PHKA1: variants seen among roughly 807,000 people sequenced by gnomAD.
The protein encoded by PHKA1 is phosphorylase b kinase regulatory subunit alpha, skeletal muscle isoform.
Under a neutral mutation model 110.2 loss-of-function variants are expected in PHKA1, and 60 were observed. The observed-to-expected ratio is 0.54, with a 90% CI of 0.44 to 0.68. The LOEUF (loss-of-function observed/expected upper bound fraction) is 0.68, where lower values mean the gene tolerates loss of function less well. Ranked by LOEUF, PHKA1 falls within the 30% of genes least tolerant of loss-of-function variation. The probability of loss-of-function intolerance (pLI) is 0.00; values close to 1 mark genes in which losing one functional copy is unlikely to be tolerated. For synonymous variants in PHKA1, 316 were observed against 333.6 expected (o/e 0.95, Z 0.58); for missense variants, 801 against 942.5 (o/e 0.85, Z 1.97).
In PHKA1 at chrX:72,642,099, C is replaced by T. The variant is rs1461831149; in HGVS notation, c.1459+2263G>A. Reference sequence around the variant, plus strand: ...TAAATGTCCACTTGTCACTTGAGTCCTTGGAATGTTTGATCATCATTAAGT... The same window carrying T: ...TAAATGTCCACTTGTCACTTGAGTCTTTGGAATGTTTGATCATCATTAAGT... On this transcript the variant is annotated intron_variant, in intron 14 of 31. Coordinates refer to ENST00000373542, the MANE Select transcript of PHKA1 (RefSeq NM_002637.4). Among the ~76,000 whole-genome samples, 5 of 111,820 alleles carry T rather than the reference C, an allele frequency of 4.5e-5. No individual in the cohort carries two copies. The South Asian group carries it at 1.9e-3, about 42-fold the overall frequency.
intron 4 of PHKA1, among the ~76,000 whole-genome samples, chrX:72,686,542 G>T (rs782169101): frequency 1.8e-5 from 2 of 111,802 alleles, no homozygotes; most frequent in Non-Finnish European, 3.8e-5. Context: ...AGGACATTTC[G>T]GTTGTATCAA....
In PHKA1 at chrX:72,652,589, G is replaced by A; in HGVS notation, c.1200C>T (p.His400=). Residue 400 remains histidine (H), a synonymous_variant, in exon 12 of 32, where the codon CAC becomes CAT. Coordinates refer to ENST00000373542, the MANE Select transcript of PHKA1 (RefSeq NM_002637.4). ...VDRVPMGKLP[H]MWGQSLYILG... is the part of the protein sequence containing the mutation. ...AAATGTATAGAGACTGACCCCACAT[G>A]TGAGGCAATTTCCCCATGGGGACTC... 1 of 1,196,488 alleles carries A rather than the reference G, an allele frequency of 8.4e-7. No homozygotes were observed. The highest frequency in any genetic ancestry group is 1.1e-6 in the Non-Finnish European group (1 of 881,718).
chrX:72,651,872 T>C (rs1199344310), intron 12 of PHKA1, among the ~76,000 whole-genome samples: 2 of 111,929 alleles, frequency 1.8e-5, no homozygotes, highest in Non-Finnish European at 3.8e-5. Flanking sequence ...GGTTATATCT[T>C]ATCAAAATAA....
chrX:72,687,109 G>A (rs1380968275), intron 4 of PHKA1, among the ~76,000 whole-genome samples: 1 of 111,471 alleles, frequency 9.0e-6, no homozygotes, highest in African/African-American at 3.3e-5. Context: ...AGCTATCTGT[G>A]TTTCATATTT....
chrX:72,699,623 T>A (rs1179924457), intron 3 of PHKA1, among the ~76,000 whole-genome samples: 2 of 109,657 alleles, frequency 1.8e-5, no homozygotes, highest in Admixed American at 9.8e-5. Flanking sequence ...CAAAAAAAAA[T>A]TTTTTTAAAC....
At chrX:72,639,524 G>A (rs184657174) in intron 14 of PHKA1, among the ~76,000 whole-genome samples, 1 of 111,386 alleles carries the variant, frequency 9.0e-6, no homozygotes, top group Admixed American at 9.5e-5. Flanking sequence ...TGGGCAACAA[G>A]AGCAAGACTC....
intron 8 of PHKA1, among the ~76,000 whole-genome samples, chrX:72,663,736 G>GA (rs202031447): frequency 0.039 from 2,679 of 69,326 alleles, 104 homozygotes; most frequent in African/African-American, 0.12. Context: ...TCTAAGAGCT[G>GA]AAAAAAAAAA....
chrX:72,586,126 G>A lies in PHKA1; in HGVS notation c.3244-1824C>T, dbSNP rs1442480849. Among the ~76,000 whole-genome samples, 4 of 112,333 alleles carry A rather than the reference G, an allele frequency of 3.6e-5. No homozygotes were observed. In the East Asian group the frequency reaches 1.1e-3, roughly 32 times the overall value. On this transcript the variant is annotated intron_variant, in intron 29 of 31. Coordinates refer to ENST00000373542, the MANE Select transcript of PHKA1 (RefSeq NM_002637.4). ...AAAGGACAGACTGCCTCCTCTAGTG[G>A]GTCCCTGACCCTCGTGTAGCTTAAC...
intron 8 of PHKA1, 134 bp downstream of exon 8, chrX:72,666,016 GA>G: frequency 1.6e-6 from 1 of 634,112 alleles, no homozygotes; most frequent in Non-Finnish European, 2.4e-6. Flanking sequence ...ACTTTTAAAA[GA>G]AACTATAAAG....
At chrX:72,584,339 A>G (rs377511422) in intron 29 of PHKA1, 37 bp from the exon 30 acceptor site, 4 of 1,145,570 alleles carry the variant, frequency 3.5e-6, no homozygotes, top group Admixed American at 2.2e-5. Context: ...ACCAAAAACC[A>G]TATCACCAAG....
At chrX:72,583,423 A>G (rs1007069057) in intron 30 of PHKA1, among the ~76,000 whole-genome samples, 1 of 111,923 alleles carries the variant, frequency 8.9e-6, no homozygotes, top group Non-Finnish European at 1.9e-5. Context: ...TTATATGAAC[A>G]TTTCACTCTT....
At chrX:72,644,541 A>C (rs2053337193) in intron 13 of PHKA1, 45 bp from the exon 14 acceptor site, 3 of 1,099,488 alleles carry the variant, frequency 2.7e-6, no homozygotes, top group Non-Finnish European at 2.5e-6. Flanking sequence ...ATTTTATTTC[A>C]ATAGCAACTT....
chrX:72,667,907 C>G (rs2053633787), intron 6 of PHKA1, among the ~76,000 whole-genome samples: 1 of 111,647 alleles, frequency 9.0e-6, no homozygotes, highest in Non-Finnish European at 1.9e-5. Context: ...GAAAATCACC[C>G]AAAACAACCA....
At chrX:72,636,992 T>G (rs183283564) in intron 14 of PHKA1, among the ~76,000 whole-genome samples, 2 of 112,076 alleles carry the variant, frequency 1.8e-5, no homozygotes, top group Admixed American at 1.9e-4. Flanking sequence ...TACCTGAGAT[T>G]GATGTCACAA....
Position 72,633,285 on chromosome X carries a change from G to A in PHKA1, c.1714+1870C>T, listed in dbSNP as rs782124061. Among the ~76,000 whole-genome samples the A allele has an allele frequency of 2.7e-5, 3 of 110,848 alleles. No homozygotes were observed. In the South Asian group the frequency reaches 1.2e-3, roughly 44 times the overall value. On this transcript the variant is annotated intron_variant, in intron 16 of 31. Transcript: ENST00000373542. Reference sequence around the variant, plus strand: ...TGTGCAGCCATCATGGATGGGATCGGGGCCCTTATAAAAGGGCTTAAGAGA... The same window carrying A: ...TGTGCAGCCATCATGGATGGGATCGAGGCCCTTATAAAAGGGCTTAAGAGA...
chrX:72,619,179 A>G lies in PHKA1; in HGVS notation c.2229+35T>C, dbSNP rs1556273590. On this transcript the variant is annotated intron_variant, in intron 20 of 31. Transcript: ENST00000373542. The stretch of plus-strand genomic sequence containing the variant: ...TTCCCATAAAGATGGCAGTTTTTCA[A>G]AAAGCTAATAGAAATACCTCCTGCA... 5.4e-6 allele frequency: 5 copies of G among 919,081 alleles called. No individual in the cohort carries two copies. In the South Asian group the frequency reaches 6.1e-5, roughly 11 times the overall value. The allele number at this position is 919,081 out of a possible 1,213,427, so 75.7% of individuals were successfully genotyped here.
intron 10 of PHKA1, among the ~76,000 whole-genome samples, chrX:72,653,775 G>A (rs782248861): frequency 5.4e-5 from 6 of 111,821 alleles, no homozygotes; most frequent in Non-Finnish European, 1.1e-4. Context: ...CCTTTTTACA[G>A]GGAAATTATC....
At chrX:72,695,423 A>G (rs1273533792) in intron 4 of PHKA1, among the ~76,000 whole-genome samples, 4 of 111,525 alleles carry the variant, frequency 3.6e-5, no homozygotes, top group African/African-American at 9.8e-5. Context: ...ATGCCTATAG[A>G]CAGATGCCTT....
At chrX:72,586,780 C>T (rs1009028521) in intron 29 of PHKA1, among the ~76,000 whole-genome samples, 7 of 109,937 alleles carry the variant, frequency 6.4e-5, no homozygotes, top group Admixed American at 9.8e-5. Context: ...AACTACGTGA[C>T]GCACGCACAA....
Sources: allele counts gnomAD v4.1 joint callset (sites outside exome capture counted in the v4.1 genomes callset), GRCh38; gene constraint gnomAD v4.1.1; transcripts MANE v1.5; gene names NCBI Gene and HGNC (gene_info 2026-07-23, HGNC 2026-07-21).